Variants in CDK14 observed in about 807,000 individuals in gnomAD.
CDK14 encodes the protein cyclin-dependent kinase 14.
In CDK14, 34 loss-of-function variants were observed where a neutral mutation model predicts 60.7. That is an observed-to-expected ratio of 0.56 (90% CI 0.43 to 0.75). CDK14 has a LOEUF of 0.75. CDK14 is among the 30% of genes least tolerant of loss of function. The probability of loss-of-function intolerance (pLI) is 0.00; values close to 1 mark genes in which losing one functional copy is unlikely to be tolerated. For missense variants in CDK14, 482 were observed against 564.1 expected, an observed-to-expected ratio of 0.85 and a Z score of 1.47; for synonymous variants, 197 against 203.7, an observed-to-expected ratio of 0.97 and a Z score of 0.28.
intron 2 of CDK14, among the ~76,000 whole-genome samples, chr7:90,630,048 A>G (rs1247012084): frequency 2.8e-5 from 2 of 70,580 alleles, no homozygotes; most frequent in Non-Finnish European, 5.1e-5. Context: ...CAAACAAAAC[A>G]AAACAAAACA....
intron 2 of CDK14, among the ~76,000 whole-genome samples, chr7:90,692,367 A>G (rs983451721): frequency 1.3e-5 from 2 of 152,164 alleles, no homozygotes; most frequent in African/African-American, 4.8e-5. Flanking sequence ...TTTATTTCAA[A>G]ATGATATCAC....
At chr7:91,102,898 C>T (rs1249543645) in intron 12 of CDK14, among the ~76,000 whole-genome samples, 1 of 152,124 alleles carries the variant, frequency 6.6e-6, no homozygotes, top group Non-Finnish European at 1.5e-5. Context: ...CATTGATATA[C>T]TCATTACTCA....
intron 10 of CDK14, among the ~76,000 whole-genome samples, chr7:91,019,103 TAGAA>T (rs766886392): frequency 2.6e-5 from 4 of 152,152 alleles, no homozygotes; most frequent in Admixed American, 6.5e-5. Context: ...AGATAATACA[TAGAA>T]AGAGAGTTTT....
At chr7:91,121,261 A>T (rs926127031) in intron 14 of CDK14, among the ~76,000 whole-genome samples, 1 of 152,190 alleles carries the variant, frequency 6.6e-6, no homozygotes, top group Non-Finnish European at 1.5e-5. Flanking sequence ...AATTTCCTCA[A>T]ATGTCCCAAT....
intron 10 of CDK14, among the ~76,000 whole-genome samples, chr7:91,038,746 G>T (rs1021426579): frequency 6.6e-6 from 1 of 152,186 alleles, no homozygotes; most frequent in Non-Finnish European, 1.5e-5. Context: ...ATGGAATTAT[G>T]GGGGTGGGTA....
At chr7:90,802,405 A>G (rs184207602) in intron 5 of CDK14, among the ~76,000 whole-genome samples, 14 of 152,336 alleles carry the variant, frequency 9.2e-5, no homozygotes, top group African/African-American at 3.4e-4. Flanking sequence ...CATGAATCCT[A>G]TAAAAGCTAA....
intron 3 of CDK14, among the ~76,000 whole-genome samples, chr7:90,739,327 A>T (rs970014972): frequency 1.3e-5 from 2 of 152,074 alleles, no homozygotes; most frequent in African/African-American, 4.8e-5. Flanking sequence ...ATGCATCCAA[A>T]CCCAGTTAGT....
chr7:90,667,926 T>A (rs760990599), intron 2 of CDK14, among the ~76,000 whole-genome samples: 1 of 152,200 alleles, frequency 6.6e-6, no homozygotes, highest in Non-Finnish European at 1.5e-5. Context: ...ATTTTGTTTA[T>A]CCATCCATTA....
At chr7:90,693,811 A>G (rs1457895303) in intron 2 of CDK14, among the ~76,000 whole-genome samples, 1 of 152,152 alleles carries the variant, frequency 6.6e-6, no homozygotes, top group Non-Finnish European at 1.5e-5. Flanking sequence ...ATTTGGTATT[A>G]ATTGTAAACT....
In CDK14 at chr7:90,596,820, C is replaced by A. The variant is rs1799196729; in HGVS notation, c.91+102C>A. 2.8e-5 allele frequency: 27 copies of A among 962,252 alleles called. 1 individual carries two copies. In the South Asian group the frequency reaches 3.9e-4, roughly 14 times the overall value. The allele number at this position is 962,252 out of a possible 1,614,324, so 59.6% of individuals were successfully genotyped here. On this transcript the variant is annotated intron_variant, in intron 1 of 14. Coordinates refer to ENST00000380050, the MANE Select transcript of CDK14 (RefSeq NM_001287135.2). ...GCCATGCAGCTGCCAGCGGGGCTGGCGTGGGGTGCGTTGTAGGCGGGGATC... is the reference window on the plus strand; with the variant it reads ...GCCATGCAGCTGCCAGCGGGGCTGGAGTGGGGTGCGTTGTAGGCGGGGATC...
chr7:90,612,009 T>A (rs1799548161), intron 2 of CDK14, among the ~76,000 whole-genome samples: 1 of 152,002 alleles, frequency 6.6e-6, no homozygotes, highest in Admixed American at 6.6e-5. Context: ...ATTTTTGTAT[T>A]TTTAGTAGAG....
At chr7:91,122,984 T>G (rs1799828459) in intron 14 of CDK14, among the ~76,000 whole-genome samples, 1 of 152,196 alleles carries the variant, frequency 6.6e-6, no homozygotes, top group African/African-American at 2.4e-5. Context: ...GGCTTAGCCC[T>G]TCAGAAACTT....
intron 5 of CDK14, among the ~76,000 whole-genome samples, chr7:90,805,485 G>A (rs964150079): frequency 2.0e-5 from 3 of 152,066 alleles, no homozygotes; most frequent in South Asian, 4.1e-4. Flanking sequence ...CAATGAACAT[G>A]TGGAAAACAA....
intron 14 of CDK14, among the ~76,000 whole-genome samples, chr7:91,196,109 A>G (rs1199379889): frequency 6.6e-6 from 1 of 152,210 alleles, no homozygotes; most frequent in Non-Finnish European, 1.5e-5. Context: ...ACTTATAGTT[A>G]GCTGTTGTCC....
At chr7:90,817,705 A>G (rs1789401884) in intron 5 of CDK14, among the ~76,000 whole-genome samples, 1 of 152,208 alleles carries the variant, frequency 6.6e-6, no homozygotes, top group Non-Finnish European at 1.5e-5. Flanking sequence ...AATGCATAGT[A>G]GTCTCTTAGT....
intron 4 of CDK14, 113 bp downstream of exon 4, chr7:90,747,888 T>A: frequency 9.5e-5 from 29 of 305,618 alleles, no homozygotes; most frequent in Non-Finnish European, 1.5e-4. Flanking sequence ...TTTTCCTCCC[T>A]CACGGTATCC....
At chr7:90,719,215 G>C (rs1240321762) in intron 2 of CDK14, among the ~76,000 whole-genome samples, 1 of 152,138 alleles carries the variant, frequency 6.6e-6, no homozygotes, top group South Asian at 2.1e-4. Flanking sequence ...GCATGACCTA[G>C]CTACAGCCTG....
chr7:90,596,672 G>C lies in CDK14; in HGVS notation c.45G>C (p.Lys15Asn), dbSNP rs1584730056. ...CGCAGCCGGCCGAGAAGATCGGCAA[G>C]ATGAAGAAGTTGCGGAGAACTTTGT... Reference protein sequence around the residue: ...IEPQPAEKIGKMKKLRRTLSE... With the variant: ...IEPQPAEKIGNMKKLRRTLSE... The change falls in exon 1 of 15, where the codon AAG (lysine) becomes AAC (asparagine). Residue 15 changes from lysine (K) to asparagine (N), a missense_variant. Transcript: ENST00000380050. The C allele has an allele frequency of 6.2e-7, 1 of 1,612,130 alleles. No homozygotes were observed. The highest frequency in any genetic ancestry group is 8.5e-7 in the Non-Finnish European group (1 of 1,179,470).
chr7:90,827,152 G>A (rs925710770), intron 5 of CDK14, among the ~76,000 whole-genome samples: 1 of 150,158 alleles, frequency 6.7e-6, no homozygotes, highest in Non-Finnish European at 1.5e-5. Flanking sequence ...TCATGTTTCT[G>A]TCTTAATGGT....
Sources: gnomAD v4.1 joint callset for allele counts (sites outside exome capture counted in the v4.1 genomes callset) on GRCh38, gnomAD v4.1.1 for gene constraint, MANE v1.5 for transcripts, NCBI Gene and HGNC (gene_info 2026-07-23, HGNC 2026-07-21) for gene names.